The following PREX2 variants were observed in gnomAD, a reference collection of about 807,000 sequenced individuals.
The protein encoded by PREX2 is phosphatidylinositol-3,4,5-trisphosphate dependent Rac exchange factor 2.
A neutral mutation model predicts 203.2 loss-of-function variants in PREX2; 107 were observed. The observed-to-expected ratio is 0.53, with a 90% CI of 0.45 to 0.62. The LOEUF is 0.62. Ranked by LOEUF, PREX2 falls within the 20% of genes least tolerant of loss-of-function variation. The pLI, the probability that PREX2 is intolerant of heterozygous loss-of-function variation, is 0.00. For synonymous variants in PREX2, 672 were observed against 663.6 expected (o/e 1.01, Z -0.19); for missense variants, 1,777 against 1,955.9 (o/e 0.91, Z 1.72).
chr8:68,150,543 T>A (rs1411105402), intron 34 of PREX2, among the ~76,000 whole-genome samples: 1 of 152,198 alleles, frequency 6.6e-6, no homozygotes, highest in Non-Finnish European at 1.5e-5. Context: ...AAGGAAGTAC[T>A]AAGAGGGACC....
intron 12 of PREX2, 33 bp from the exon 13 acceptor site, chr8:68,069,802 C>T: frequency 8.7e-7 from 1 of 1,148,736 alleles, no homozygotes; most frequent in Non-Finnish European, 1.3e-6. Flanking sequence ...TGGGTAATCT[C>T]ACTTGTTTTT....
intron 1 of PREX2, among the ~76,000 whole-genome samples, chr8:67,988,376 C>A (rs1473272311): frequency 2.6e-5 from 4 of 152,234 alleles, no homozygotes; most frequent in Non-Finnish European, 5.9e-5. Flanking sequence ...GTCAGGTGAG[C>A]TCTGCCATGT....
chr8:68,044,413 C>T, intron 7 of PREX2, 74 bp from the exon 8 acceptor site: 1 of 1,058,058 alleles, frequency 9.5e-7, no homozygotes, highest in Non-Finnish European at 1.4e-6. Flanking sequence ...CAAAGAATTG[C>T]CTAAAATATA....
chr8:68,201,251 C>T (rs551020187), intron 37 of PREX2, among the ~76,000 whole-genome samples: 3 of 151,844 alleles, frequency 2.0e-5, no homozygotes, highest in African/African-American at 7.3e-5. Flanking sequence ...AGTATCTCAC[C>T]GATGTAAATG....
At chr8:68,043,460 C>T (rs1808256394) in intron 7 of PREX2, among the ~76,000 whole-genome samples, 1 of 152,024 alleles carries the variant, frequency 6.6e-6, no homozygotes, top group Non-Finnish European at 1.5e-5. Flanking sequence ...CTACCCTATC[C>T]ACACCAGGGC....
intron 34 of PREX2, among the ~76,000 whole-genome samples, chr8:68,156,962 T>A (rs1245788461): frequency 6.6e-6 from 1 of 152,164 alleles, no homozygotes; most frequent in African/African-American, 2.4e-5. Context: ...AATAACCAGA[T>A]CAAAATAATC....
rs749361919 is a variant in PREX2 at position 68,077,517 on chromosome 8, G to A, written c.1642+48G>A. On this transcript the variant is annotated intron_variant, in intron 15 of 39. Coordinates refer to ENST00000288368, the MANE Select transcript of PREX2 (RefSeq NM_024870.4). Reference sequence around the variant, plus strand: ...GCTTACAGATGTATTTCATCACGTTGGTTCTTAGGATACTGCAACACCCAG... The same window carrying A: ...GCTTACAGATGTATTTCATCACGTTAGTTCTTAGGATACTGCAACACCCAG... The A allele has an allele frequency of 4.4e-6, 6 of 1,364,018 alleles. No homozygotes were observed. In the South Asian group the frequency reaches 7.0e-5, roughly 16 times the overall value. The allele number at this position is 1,364,018 out of a possible 1,614,324, so 84.5% of individuals were successfully genotyped here. A position where few individuals can be genotyped will look rare whatever the true frequency, so the allele number is the denominator to read the frequency against.
chr8:68,095,943 G>A (rs1266640937), intron 21 of PREX2, among the ~76,000 whole-genome samples: 1 of 152,080 alleles, frequency 6.6e-6, no homozygotes, highest in East Asian at 1.9e-4. Flanking sequence ...CGCCTAGCCT[G>A]TATTTCTTAC....
chr8:68,158,123 GTATA>G (rs1491329081), intron 35 of PREX2, among the ~76,000 whole-genome samples: 1 of 134,812 alleles, frequency 7.4e-6, no homozygotes, highest in Non-Finnish European at 1.6e-5. Context: ...GTATATATAT[GTATA>G]TATATATACA....
intron 35 of PREX2, among the ~76,000 whole-genome samples, chr8:68,158,516 C>G (rs1260952197): frequency 6.6e-6 from 1 of 152,014 alleles, no homozygotes; most frequent in African/African-American, 2.4e-5. Context: ...TGAGCTGATA[C>G]AAAGTTGTTT....
Position 68,234,433 on chromosome 8 carries a change from A to C in PREX2, c.*3055A>C, listed in dbSNP as rs1319762727. 1.3e-5 allele frequency: 2 copies of C among 152,184 alleles called. No individual in the cohort carries two copies. The highest frequency in any genetic ancestry group is 2.9e-5 in the Non-Finnish European group (2 of 68,030). The allele number at this position is 152,184 out of a possible 1,614,324, so 9.4% of individuals were successfully genotyped here. A position where few individuals can be genotyped will look rare whatever the true frequency, so the allele number is the denominator to read the frequency against. ...TTAACTTAGAGCCTGACTCAAAAATAATTGTGAACTAAAAATTCATAGTCA... is the reference window on the plus strand; with the variant it reads ...TTAACTTAGAGCCTGACTCAAAAATCATTGTGAACTAAAAATTCATAGTCA... On this transcript the variant is annotated 3_prime_UTR_variant, in exon 40 of 40. Transcript: ENST00000288368.
At chr8:67,952,683 C>A in intron 1 of PREX2, 148 bp downstream of exon 1, 2 of 1,128,158 alleles carry the variant, frequency 1.8e-6, no homozygotes, top group Non-Finnish European at 2.6e-6. Flanking sequence ...CGTGTGGACT[C>A]TGCGTTCGCG....
At chr8:68,172,090 A>G (rs1452524999) in intron 35 of PREX2, among the ~76,000 whole-genome samples, 3 of 152,170 alleles carry the variant, frequency 2.0e-5, no homozygotes, top group Non-Finnish European at 4.4e-5. Flanking sequence ...AAATGTGTAT[A>G]TTCATATTCA....
chr8:68,105,574 G>C (rs181760038), intron 23 of PREX2: 293 of 1,088,890 alleles, frequency 2.7e-4, no homozygotes, highest in Non-Finnish European at 2.6e-4. Context: ...TTTTCAGCTT[G>C]TACCAAAATT....
At chr8:68,114,036 A>G (rs1436401922) in intron 25 of PREX2, among the ~76,000 whole-genome samples, 1 of 151,908 alleles carries the variant, frequency 6.6e-6, no homozygotes, top group East Asian at 1.9e-4. Flanking sequence ...TAATTTTTGT[A>G]TTTTTAGTAG....
In PREX2 at chr8:68,155,137, G is replaced by A. The variant is rs969260127; in HGVS notation, c.4232-2185G>A. 3.3e-5 allele frequency among the ~76,000 whole-genome samples: 5 copies of A among 151,996 alleles called. No individual in the cohort carries two copies. In the East Asian group the frequency reaches 7.8e-4, roughly 24 times the overall value. ...TGCAGGTCTAGTCTTAAGGTAGATAGGGCATATCAGAGAAAAGCCTCATCC... is the reference window on the plus strand; with the variant it reads ...TGCAGGTCTAGTCTTAAGGTAGATAAGGCATATCAGAGAAAAGCCTCATCC... On this transcript the variant is annotated intron_variant, in intron 34 of 39. Coordinates refer to ENST00000288368, the MANE Select transcript of PREX2 (RefSeq NM_024870.4).
chr8:68,101,294 A>G, intron 23 of PREX2: 1 of 511,832 alleles, frequency 2.0e-6, no homozygotes, highest in Non-Finnish European at 3.9e-6. Flanking sequence ...ACCTAAACTA[A>G]ATGAGTCAAG....
chr8:68,225,741 TA>T (rs1201319610), intron 39 of PREX2, among the ~76,000 whole-genome samples: 2 of 152,222 alleles, frequency 1.3e-5, no homozygotes, highest in African/African-American at 2.4e-5. Context: ...GAAGTTTTGT[TA>T]ATGTCGTCTT....
chr8:68,048,654 A>G (rs899228026), intron 8 of PREX2, among the ~76,000 whole-genome samples: 2 of 152,226 alleles, frequency 1.3e-5, no homozygotes, highest in Middle Eastern at 3.4e-3. Flanking sequence ...GGCAAAAAAC[A>G]GTAGATAATA....
Sources: allele counts gnomAD v4.1 joint callset (sites outside exome capture counted in the v4.1 genomes callset), GRCh38; gene constraint gnomAD v4.1.1; transcripts MANE v1.5; gene names NCBI Gene and HGNC (gene_info 2026-07-23, HGNC 2026-07-21).